The following GRIA1 variants were observed in gnomAD, a reference collection of about 807,000 sequenced individuals.
GRIA1 encodes the protein glutamate ionotropic receptor AMPA type subunit 1, also known as glutamate receptor 1.
A neutral mutation model predicts 99.2 loss-of-function variants in GRIA1; 31 were observed. The observed-to-expected ratio is 0.31, with a 90% CI of 0.23 to 0.42. The LOEUF (loss-of-function observed/expected upper bound fraction) is 0.42. Ranked by LOEUF, GRIA1 falls within the 10% of genes least tolerant of loss-of-function variation. The pLI is 1.00. For missense variants in GRIA1, 782 were observed against 1,157.5 expected, an observed-to-expected ratio of 0.68 and a Z score of 4.71; for synonymous variants, 438 against 432.4, an observed-to-expected ratio of 1.01 and a Z score of -0.16.
chr5:153,794,070 G>T (rs1384019817), intron 13 of GRIA1, among the ~76,000 whole-genome samples: 1 of 152,108 alleles, frequency 6.6e-6, no homozygotes, highest in East Asian at 1.9e-4. Context: ...CCTGAAATTT[G>T]CCTAATTATT....
In GRIA1 at chr5:153,581,404, C is replaced by T. The variant is rs1168002510; in HGVS notation, c.221-65524C>T. On this transcript the variant is annotated intron_variant, in intron 2 of 15. Transcript: ENST00000285900. ...GACCTCTCTGACCTCCCCTCACACA[C>T]AGCTCCCCTTGCTCACTGTGCTTGA... is the stretch of plus-strand genomic sequence containing the variant. Among the ~76,000 whole-genome samples, 8 of 152,330 alleles carry T rather than the reference C, an allele frequency of 5.3e-5. No individual in the cohort carries two copies. In the East Asian group the frequency reaches 1.4e-3, roughly 26 times the overall value.
At chr5:153,655,784 A>C in intron 4 of GRIA1, 35 bp from the exon 5 acceptor site, 1 of 1,588,138 alleles carries the variant, frequency 6.3e-7, no homozygotes, top group Non-Finnish European at 8.6e-7. Flanking sequence ...AACTGTTAGT[A>C]TGATTAATGA....
chr5:153,644,739 AG>A (rs1754014298), intron 2 of GRIA1, among the ~76,000 whole-genome samples: 1 of 151,980 alleles, frequency 6.6e-6, no homozygotes, highest in Non-Finnish European at 1.5e-5. Flanking sequence ...CAGAGAGGTG[AG>A]ATTTGGGCTG....
At position 153,577,955 on chromosome 5, in the gene GRIA1, A is replaced by C. The variant is rs184850416; in HGVS notation, c.221-68973A>C. Among the ~76,000 whole-genome samples the C allele has an allele frequency of 2.2e-4, 33 of 152,182 alleles. No homozygotes were observed. The East Asian group carries it at 5.0e-3, about 23-fold the overall frequency. ...CACCTAAGGTCAGGAGTTCGAGACT[A>C]GCCTGGCCAACATGACAAAACCCAG... On this transcript the variant is annotated intron_variant, in intron 2 of 15. Transcript: ENST00000285900.
chr5:153,657,550 A>G (rs114361551), intron 5 of GRIA1, among the ~76,000 whole-genome samples: 1 of 152,248 alleles, frequency 6.6e-6, no homozygotes, highest in African/African-American at 2.4e-5. Context: ...AATTGAACAA[A>G]GGATTAATAT....
chr5:153,656,552 C>T (rs1428466289), intron 5 of GRIA1, among the ~76,000 whole-genome samples: 1 of 151,372 alleles, frequency 6.6e-6, no homozygotes, highest in Non-Finnish European at 1.5e-5. Flanking sequence ...TCTTTTGTAA[C>T]CATTATTTCT....
At chr5:153,621,377 G>A (rs1561698832) in intron 2 of GRIA1, among the ~76,000 whole-genome samples, 1 of 152,188 alleles carries the variant, frequency 6.6e-6, no homozygotes, top group Admixed American at 6.5e-5. Flanking sequence ...AAAGATGGCA[G>A]TATCGCTTGA....
chr5:153,782,108 T>A (rs1038712577), intron 13 of GRIA1, among the ~76,000 whole-genome samples: 2 of 152,214 alleles, frequency 1.3e-5, no homozygotes, highest in Admixed American at 1.3e-4. Context: ...TTGCTATCTA[T>A]AGCAAGCAAT....
intron 13 of GRIA1, among the ~76,000 whole-genome samples, chr5:153,772,391 T>C (rs534111044): frequency 6.6e-6 from 1 of 152,258 alleles, no homozygotes; most frequent in East Asian, 1.9e-4. Context: ...CATTGCACAG[T>C]CGATTAACCA....
At chr5:153,792,484 G>A (rs955480803) in intron 13 of GRIA1, among the ~76,000 whole-genome samples, 1 of 152,148 alleles carries the variant, frequency 6.6e-6, no homozygotes, top group Non-Finnish European at 1.5e-5. Flanking sequence ...GTTCCCTTTT[G>A]TCCCTGCACT....
chr5:153,776,533 G>A (rs1031989771), intron 13 of GRIA1, among the ~76,000 whole-genome samples: 7 of 152,142 alleles, frequency 4.6e-5, no homozygotes, highest in Admixed American at 1.3e-4. Flanking sequence ...GATGAAGGCC[G>A]TCGATCACCT....
intron 8 of GRIA1, among the ~76,000 whole-genome samples, chr5:153,696,382 C>A (rs568729854): frequency 2.2e-4 from 33 of 152,290 alleles, no homozygotes; most frequent in African/African-American, 7.5e-4. Context: ...TGGCTAAATG[C>A]AGCCTCTGGA....
chr5:153,592,777 C>T (rs1764081482), intron 2 of GRIA1, among the ~76,000 whole-genome samples: 1 of 152,128 alleles, frequency 6.6e-6, no homozygotes, highest in Non-Finnish European at 1.5e-5. Context: ...GTTTATTTCT[C>T]AGTTCTGGAG....
At chr5:153,752,413 G>C (rs1036569167) in intron 11 of GRIA1, among the ~76,000 whole-genome samples, 1 of 152,036 alleles carries the variant, frequency 6.6e-6, no homozygotes, top group African/African-American at 2.4e-5. Flanking sequence ...TTTCTTACTT[G>C]TCATGTAACT....
chr5:153,631,088 C>G (rs761568097), intron 2 of GRIA1, among the ~76,000 whole-genome samples: 1 of 152,174 alleles, frequency 6.6e-6, no homozygotes, highest in African/African-American at 2.4e-5. Context: ...TTGATTGAAC[C>G]TCTCAATGGC....
intron 2 of GRIA1, among the ~76,000 whole-genome samples, chr5:153,545,392 G>A (rs1759512613): frequency 6.6e-6 from 1 of 152,126 alleles, no homozygotes; most frequent in South Asian, 2.1e-4. Flanking sequence ...TTTATAGGCT[G>A]GATGTCTTCA....
At chr5:153,605,247 G>A (rs1371652032) in intron 2 of GRIA1, among the ~76,000 whole-genome samples, 2 of 151,846 alleles carry the variant, frequency 1.3e-5, no homozygotes, top group East Asian at 1.9e-4. Context: ...ATTTCAATAA[G>A]CATCCAGTAT....
chr5:153,690,256 A>AATAAT (rs201443859), intron 8 of GRIA1, among the ~76,000 whole-genome samples: 2,905 of 150,600 alleles, frequency 0.019, 40 homozygotes, highest in South Asian at 0.029. Flanking sequence ...AAGGAATACA[A>AATAAT]ATAATATAAT....
intron 2 of GRIA1, among the ~76,000 whole-genome samples, chr5:153,542,009 G>A (rs546609003): frequency 1.3e-5 from 2 of 149,732 alleles, no homozygotes; most frequent in South Asian, 2.1e-4. Context: ...CATTCATCCT[G>A]CAACTTGAAC....
Sources: allele counts gnomAD v4.1 joint callset (sites outside exome capture counted in the v4.1 genomes callset), GRCh38; gene constraint gnomAD v4.1.1; transcripts MANE v1.5; gene names NCBI Gene and HGNC (gene_info 2026-07-23, HGNC 2026-07-21).